Variants in ZNF343 observed in about 807,000 individuals in gnomAD.
ZNF343 encodes the protein zinc finger protein 343.
ZNF343 carries 11 observed loss-of-function variants against 13.8 expected under a neutral mutation model. The observed-to-expected ratio is 0.80, with a 90% confidence interval of 0.50 to 1.32. The LOEUF (loss-of-function observed/expected upper bound fraction) is 1.32, where lower values mean the gene tolerates loss of function less well. Among genes scored for constraint, ZNF343 ranks in the 40% most tolerant of loss-of-function variants. The probability of loss-of-function intolerance (pLI) is 0.00; values close to 1 mark genes in which losing one functional copy is unlikely to be tolerated. For missense variants in ZNF343, 658 were observed against 714.2 expected, an observed-to-expected ratio of 0.92 and a Z score of 0.90; for synonymous variants, 248 against 260.0, an observed-to-expected ratio of 0.95 and a Z score of 0.44.
chr20:2,508,091 C>T lies in ZNF343; in HGVS notation c.-237+790G>A, dbSNP rs1173470781. Among the ~76,000 whole-genome samples the T allele has an allele frequency of 6.6e-6, 1 of 152,052 alleles. No homozygotes were observed. The highest frequency in any genetic ancestry group is 2.4e-5 in the African/African-American group (1 of 41,400). ...TCCCACATGACACACCTTGAGACAACAGGTCCCAGAGAAAAGACCTGCCCC... is the reference window on the plus strand; with the variant it reads ...TCCCACATGACACACCTTGAGACAATAGGTCCCAGAGAAAAGACCTGCCCC... On this transcript the variant is annotated intron_variant, in intron 1 of 5. Coordinates refer to ENST00000278772, the MANE Select transcript of ZNF343 (RefSeq NM_024325.6). The surrounding 1 kb of genome is among the most constrained non-coding windows in gnomAD (Gnocchi z 4.5).
chr20:2,496,049 A>G (rs988928597), intron 2 of ZNF343, among the ~76,000 whole-genome samples: 2 of 152,180 alleles, frequency 1.3e-5, no homozygotes, highest in African/African-American at 2.4e-5. Flanking sequence ...GCACTCGTGT[A>G]GCTGCCATTT....
chr20:2,483,849 T>C lies in ZNF343; in HGVS notation c.1112A>G (p.His371Arg), dbSNP rs768731063. The C allele has an allele frequency of 3.1e-6, 5 of 1,613,990 alleles. No individual in the cohort carries two copies. The African/African-American group carries it at 6.7e-5, about 22-fold the overall frequency. ...GFSEKSSFIR[H>R]QRTHSGEKPY... is the part of the protein sequence containing the mutation. ...TTTCTCACCGGAGTGTGTCCTCTGGTGTCTGATGAAGGATGACTTCTCGCT... is the reference window on the plus strand; with the variant it reads ...TTTCTCACCGGAGTGTGTCCTCTGGCGTCTGATGAAGGATGACTTCTCGCT... Residue 371 changes from histidine to arginine, a missense_variant, in exon 6 of 6, where the codon CAC (histidine) becomes CGC (arginine). Transcript: ENST00000278772.
rs368591788 is a variant in ZNF343 at position 2,493,478 on chromosome 20, C to A, written c.177+41G>T. The A allele has an allele frequency of 1.1e-5, 18 of 1,567,662 alleles. 1 individual carries two copies. The African/African-American group carries it at 2.2e-4, about 19-fold the overall frequency. On this transcript the variant is annotated intron_variant, in intron 4 of 5. Coordinates refer to ENST00000278772, the MANE Select transcript of ZNF343 (RefSeq NM_024325.6). Reference sequence around the variant, plus strand: ...ATATGTCTATTCTCTGGAAAATGAGCCAGCACTTCAGGAAAAAAAAAAAAT... The same window carrying A: ...ATATGTCTATTCTCTGGAAAATGAGACAGCACTTCAGGAAAAAAAAAAAAT...
rs1283121085 is a variant in ZNF343, at chr20:2,493,581, G to A, written c.119-4C>T. ...TCAGTATCATTAGAAGGCAAGCCTA[G>A]GGAAAGAAAAAGAAGCTATGAGAAA... is the stretch of plus-strand genomic sequence containing the variant. On this transcript the variant is annotated splice_region_variant and splice_polypyrimidine_tract_variant and intron_variant, in intron 3 of 5. Transcript: ENST00000278772. 2 of 1,612,638 alleles carry A rather than the reference G, an allele frequency of 1.2e-6. No homozygotes were observed. Among genetic ancestry groups the A allele is most frequent in the African/African-American group, 1.3e-5 (1 of 74,708 alleles).
At chr20:2,504,478 C>G (rs1187716119) in intron 1 of ZNF343, among the ~76,000 whole-genome samples, 3 of 152,136 alleles carry the variant, frequency 2.0e-5, no homozygotes, top group Admixed American at 2.0e-4. Flanking sequence ...GATACCAAAG[C>G]CTGGCAGAGA....
At chr20:2,524,112 G>A (rs1487195045) in intron 1 of ZNF343, among the ~76,000 whole-genome samples, 2 of 152,076 alleles carry the variant, frequency 1.3e-5, no homozygotes, top group Non-Finnish European at 2.9e-5. Context: ...TTGAGCCCAG[G>A]AGTTCAAGAC....
upstream of ZNF343, among the ~76,000 whole-genome samples, chr20:2,510,391 C>G (rs1344565730): frequency 1.3e-5 from 2 of 150,834 alleles, no homozygotes; most frequent in Non-Finnish European, 2.9e-5. Flanking sequence ...AAACTGTTCT[C>G]CTTCTTTTCT....
rs746205895 is a variant in ZNF343, at chr20:2,484,313, G to A, written c.648C>T (p.Ser216=). Residue 216 remains serine, a synonymous_variant, in exon 6 of 6, where the codon AGC becomes AGT. Coordinates refer to ENST00000278772, the MANE Select transcript of ZNF343 (RefSeq NM_024325.6). ...KGNMVVETEP[S]SAQRPNPVQL... is the part of the protein sequence containing the mutation. ...GCACAGGGTTTGGTCTTTGGGCTGA[G>A]CTGGGCTCTGTTTCTACCACCATGT... 6.2e-7 allele frequency: 1 copy of A among 1,614,198 alleles called. No homozygotes were observed. Among genetic ancestry groups the A allele is most frequent in the South Asian group, 1.1e-5 (1 of 91,088 alleles).
chr20:2,511,080 A>C (rs1053096514), upstream of ZNF343, among the ~76,000 whole-genome samples: 2 of 150,544 alleles, frequency 1.3e-5, no homozygotes, highest in Non-Finnish European at 3.0e-5. Flanking sequence ...AAGTTTTAAG[A>C]CTGGGGGAAT....
At chr20:2,502,182 C>G (rs950389874) in intron 1 of ZNF343, among the ~76,000 whole-genome samples, 3 of 152,110 alleles carry the variant, frequency 2.0e-5, no homozygotes, top group Non-Finnish European at 4.4e-5. Context: ...GCCTCAGTAG[C>G]CGACTTGATC....
At chr20:2,521,838 C>A (rs193209686) in intron 1 of ZNF343, among the ~76,000 whole-genome samples, 111 of 152,228 alleles carry the variant, frequency 7.3e-4, no homozygotes, top group African/African-American at 2.5e-3. Flanking sequence ...CGTGGGTGGT[C>A]GCGGTCAAAA....
At chr20:2,516,573 G>T (rs928257851) in intron 1 of ZNF343, among the ~76,000 whole-genome samples, 2 of 152,122 alleles carry the variant, frequency 1.3e-5, no homozygotes, top group African/African-American at 4.8e-5. Flanking sequence ...GAGTGAGGAT[G>T]AGTGAGCAGG....
chr20:2,506,747 A>G (rs2085664497), intron 1 of ZNF343, among the ~76,000 whole-genome samples: 2 of 152,178 alleles, frequency 1.3e-5, no homozygotes, highest in Admixed American at 1.3e-4. Flanking sequence ...TTGAACAATG[A>G]GAACACATGG....
Position 2,518,503 on chromosome 20 carries a change from A to G in ZNF343, c.-347+5952T>C, listed in dbSNP as rs1039753241. ...TTGTCAAATAATCTTTTGTACTCCA[A>G]AGTACTCCAAAATACACAATAGTAC... On this transcript the variant is annotated intron_variant, in intron 1 of 6. Coordinates refer to the ZNF343 transcript ENST00000358413. This position sits in a 1 kb window ranked among gnomAD's most constrained non-coding sequence, Gnocchi z 4.6. Among the ~76,000 whole-genome samples the G allele has an allele frequency of 6.6e-6, 1 of 151,416 alleles. No homozygotes were observed. The highest frequency in any genetic ancestry group is 2.5e-5 in the African/African-American group (1 of 40,692).
In ZNF343 at chr20:2,493,583, G is replaced by A; in HGVS notation, c.119-6C>T. 1 of 1,612,346 alleles carries A rather than the reference G, an allele frequency of 6.2e-7. No individual in the cohort carries two copies. Among genetic ancestry groups the A allele is most frequent in the Non-Finnish European group, 8.5e-7 (1 of 1,179,064 alleles). The stretch of plus-strand genomic sequence containing the variant: ...AGTATCATTAGAAGGCAAGCCTAGG[G>A]AAAGAAAAAGAAGCTATGAGAAACC... On this transcript the variant is annotated splice_region_variant and splice_polypyrimidine_tract_variant and intron_variant, in intron 3 of 5. Transcript: ENST00000278772.
chr20:2,512,364 C>T (rs983718341), upstream of ZNF343, among the ~76,000 whole-genome samples: 2 of 152,106 alleles, frequency 1.3e-5, no homozygotes, highest in African/African-American at 4.8e-5. Flanking sequence ...GTAGCCAAAA[C>T]AATTTTGAAA....
intron 1 of ZNF343, among the ~76,000 whole-genome samples, chr20:2,502,177 AG>A (rs1456614165): frequency 1.1e-3 from 162 of 152,376 alleles, no homozygotes; most frequent in African/African-American, 3.7e-3. Flanking sequence ...CACAAGCCTC[AG>A]TAGCCGACTT....
At chr20:2,524,956 C>A (rs2085798815), upstream of ZNF343, among the ~76,000 whole-genome samples, 1 of 152,228 alleles carries the variant, frequency 6.6e-6, no homozygotes, top group African/African-American at 2.4e-5. Context: ...AAGCGGAGTC[C>A]CCCTCTCCGG....
chr20:2,484,005 T>C lies in ZNF343; in HGVS notation c.956A>G (p.His319Arg). 6.2e-7 allele frequency: 1 copy of C among 1,614,232 alleles called. No individual in the cohort carries two copies. The highest frequency in any genetic ancestry group is 1.1e-5 in the South Asian group (1 of 91,090). ...GCACAAATAAGGCTTCTCTTCTGAATGTGTTCTCTGGTGTCTGCTGAGGTT... is the reference window on the plus strand; with the variant it reads ...GCACAAATAAGGCTTCTCTTCTGAACGTGTTCTCTGGTGTCTGCTGAGGTT... ...KSNLSRHQRT[H>R]SEEKPYLCRE... Residue 319 changes from histidine (H) to arginine (R), a missense_variant, in exon 6 of 6, where the codon CAT (histidine) becomes CGT (arginine). Physicochemically the swap from His to Arg is conservative, Grantham distance 29. Transcript: ENST00000278772.
Sources: gnomAD v4.1 joint callset for allele counts (sites outside exome capture counted in the v4.1 genomes callset) on GRCh38, gnomAD v4.1.1 for gene constraint, Gnocchi (gnomAD v3.1) non-coding constraint, MANE v1.5 for transcripts, NCBI Gene and HGNC (gene_info 2026-07-23, HGNC 2026-07-21) for gene names.